Variants in PPP2R2C observed in about 807,000 individuals in gnomAD.
The protein encoded by PPP2R2C is protein phosphatase 2, regulatory subunit B, gamma.
In PPP2R2C, 10 loss-of-function variants were observed where a neutral mutation model predicts 45.3. The ratio of observed to expected loss-of-function variants is 0.22; its 90% CI spans 0.14 to 0.37. The LOEUF (loss-of-function observed/expected upper bound fraction) is 0.37, where lower values mean the gene tolerates loss of function less well. Among genes scored for constraint, PPP2R2C ranks in the 10% least tolerant of loss-of-function variants. The pLI, the probability that PPP2R2C is intolerant of heterozygous loss-of-function variation, is 1.00. For missense variants in PPP2R2C, 308 were observed against 619.7 expected, an observed-to-expected ratio of 0.50 and a Z score of 5.34; for synonymous variants, 257 against 245.4, an observed-to-expected ratio of 1.05 and a Z score of -0.44.
chr4:6,542,911 G>GA (rs754604025), intron 1 of PPP2R2C, among the ~76,000 whole-genome samples: 3 of 152,172 alleles, frequency 2.0e-5, no homozygotes, highest in African/African-American at 4.8e-5. Flanking sequence ...TTCATGTGCA[G>GA]AATATATTAG....
At chr4:6,535,076 G>A (rs1724558807) in intron 2 of PPP2R2C, among the ~76,000 whole-genome samples, 1 of 152,246 alleles carries the variant, frequency 6.6e-6, no homozygotes, top group Non-Finnish European at 1.5e-5. Context: ...GGGGCTGGTG[G>A]GGTGGGGCCA....
At chr4:6,383,213 G>A (rs1423963916) in intron 1 of PPP2R2C, 2 of 1,193,310 alleles carry the variant, frequency 1.7e-6, no homozygotes, top group African/African-American at 1.6e-5. Flanking sequence ...TGAGGGGGAG[G>A]AGGAAGAGTG....
chr4:6,349,891 A>C, intron 5 of PPP2R2C: 1 of 985,280 alleles, frequency 1.0e-6, no homozygotes, highest in Non-Finnish European at 1.2e-6. Context: ...CTCTGTCAAA[A>C]AAAAAGCAAG....
chr4:6,559,361 T>G (rs1287446305), intron 1 of PPP2R2C, among the ~76,000 whole-genome samples: 2 of 151,384 alleles, frequency 1.3e-5, no homozygotes, highest in Non-Finnish European at 2.9e-5. Flanking sequence ...CTCACAGAAG[T>G]GCCCAATAAA....
rs1354581752 is a variant in PPP2R2C, at chr4:6,471,491, T to TGGATTTAAACAG, written c.70+668_70+669insCTGTTTAAATCC. ...TAGGGGATTTTAAACAGGGCCTGTT[T>TGGATTTAAACAG]GGGATGGCATGTCCCACTTTTTTGG... On this transcript the variant is annotated intron_variant, in intron 1 of 8. Transcript: ENST00000382599. The surrounding 1 kb of genome is among the most constrained non-coding windows in gnomAD (Gnocchi z 5.6). The TGGATTTAAACAG allele has an allele frequency of 2.0e-5, 3 of 152,304 alleles. No individual in the cohort carries two copies. Among genetic ancestry groups the TGGATTTAAACAG allele is most frequent in the East Asian group, 3.9e-4 (2 of 5,146 alleles). 9.4% of individuals were successfully genotyped at this position (152,304 alleles called of 1,614,324 possible).
At chr4:6,446,700 TACTGG>T (rs1200914805) in intron 1 of PPP2R2C, among the ~76,000 whole-genome samples, 2 of 151,914 alleles carry the variant, frequency 1.3e-5, no homozygotes, top group African/African-American at 4.8e-5. Context: ...TGACTGGAAA[TACTGG>T]TACACCTGCT....
chr4:6,336,749 CTCCCTCCTTCCCTCCCTCCCTCCCTCCT>C (rs1732936736), intron 6 of PPP2R2C, among the ~76,000 whole-genome samples: 1 of 52,046 alleles, frequency 1.9e-5, no homozygotes, highest in Non-Finnish European at 3.4e-5. Flanking sequence ...CCCTCCCTCC[CTCCCTCCTTCCCTCCCTCCCTCCCTCCT>C]TCCCTCCCTC....
intron 1 of PPP2R2C, among the ~76,000 whole-genome samples, chr4:6,431,337 G>C (rs887683113): frequency 1.3e-5 from 2 of 152,192 alleles, no homozygotes; most frequent in Non-Finnish European, 1.5e-5. Context: ...AACCTCAAAA[G>C]CTAATATGAG....
intron 2 of PPP2R2C, among the ~76,000 whole-genome samples, chr4:6,494,180 C>A (rs1397989626): frequency 6.6e-6 from 1 of 152,180 alleles, no homozygotes; most frequent in East Asian, 1.9e-4. Flanking sequence ...AGCCTGAATG[C>A]CTCCGTCTCA....
intron 1 of PPP2R2C, among the ~76,000 whole-genome samples, chr4:6,464,181 G>A (rs1721474645): frequency 6.6e-6 from 1 of 152,196 alleles, no homozygotes; most frequent in Non-Finnish European, 1.5e-5. Context: ...CTCATGTCCA[G>A]CATATAGTAT....
chr4:6,413,530 G>A (rs969900655), intron 1 of PPP2R2C, among the ~76,000 whole-genome samples: 9 of 152,288 alleles, frequency 5.9e-5, no homozygotes, highest in African/African-American at 1.2e-4. Flanking sequence ...TAAACCTGCC[G>A]GGCAGATGCT....
chr4:6,545,103 T>A (rs1456013039), intron 1 of PPP2R2C, among the ~76,000 whole-genome samples: 1 of 152,140 alleles, frequency 6.6e-6, no homozygotes, highest in Admixed American at 6.5e-5. Context: ...GGGCTCACCC[T>A]CACCATACCA....
chr4:6,373,829 ATGTATGAG>A (rs1715062403), intron 4 of PPP2R2C, among the ~76,000 whole-genome samples: 1 of 151,990 alleles, frequency 6.6e-6, no homozygotes, highest in Non-Finnish European at 1.5e-5. Flanking sequence ...CTGAGAGTTC[ATGTATGAG>A]TGTGTGCATA....
At chr4:6,441,171 A>G (rs1720132397) in intron 1 of PPP2R2C, among the ~76,000 whole-genome samples, 2 of 152,080 alleles carry the variant, frequency 1.3e-5, no homozygotes, top group African/African-American at 4.8e-5. Flanking sequence ...GCCAACAGGG[A>G]ACCTCAGTGC....
intron 2 of PPP2R2C, among the ~76,000 whole-genome samples, chr4:6,531,444 A>G (rs4689473): frequency 0.97 from 148,039 of 152,312 alleles, 72,094 homozygotes; most frequent in South Asian, 1. Flanking sequence ...AGGAGAGGGC[A>G]GCTACAACCG....
chr4:6,374,530 A>G (rs1346027393), intron 4 of PPP2R2C, among the ~76,000 whole-genome samples: 4 of 152,192 alleles, frequency 2.6e-5, no homozygotes, highest in African/African-American at 9.7e-5. Context: ...AAAGATCACA[A>G]TTGTCATCTG....
intron 1 of PPP2R2C, among the ~76,000 whole-genome samples, chr4:6,558,276 A>G (rs1388374511): frequency 6.6e-6 from 1 of 152,152 alleles, no homozygotes; most frequent in African/African-American, 2.4e-5. Flanking sequence ...GCCATCTGTG[A>G]CCTGGGGTGC....
At chr4:6,529,358 C>T (rs140336931) in intron 2 of PPP2R2C, among the ~76,000 whole-genome samples, 23 of 152,386 alleles carry the variant, frequency 1.5e-4, no homozygotes, top group Non-Finnish European at 2.9e-5. Context: ...TAGGCACCAC[C>T]TGAGCCGCCC....
At chr4:6,468,115 T>A (rs1282623819) in intron 1 of PPP2R2C, among the ~76,000 whole-genome samples, 2 of 152,158 alleles carry the variant, frequency 1.3e-5, no homozygotes, top group African/African-American at 4.8e-5. Flanking sequence ...GTTGTGGAGA[T>A]CAGCTGCAAC....
Sources: gnomAD v4.1 joint callset for allele counts (sites outside exome capture counted in the v4.1 genomes callset) on GRCh38, gnomAD v4.1.1 for gene constraint, Gnocchi (gnomAD v3.1) non-coding constraint, MANE v1.5 for transcripts, NCBI Gene and HGNC (gene_info 2026-07-23, HGNC 2026-07-21) for gene names.